FAM117B: variants seen among roughly 807,000 people sequenced by gnomAD.
FAM117B encodes the protein family with sequence similarity 117 member B.
Under a neutral mutation model 52.8 loss-of-function variants are expected in FAM117B, and 22 were observed. That is an observed-to-expected ratio of 0.42 (90% confidence interval 0.30 to 0.59). The LOEUF is 0.59. Among genes scored for constraint, FAM117B ranks in the 20% least tolerant of loss-of-function variants. FAM117B has a pLI of 0.22. For synonymous variants in FAM117B, 309 were observed against 324.1 expected, an observed-to-expected ratio of 0.95 and a Z score of 0.50; for missense variants, 678 against 802.6, an observed-to-expected ratio of 0.84 and a Z score of 1.88.
intron 7 of FAM117B, among the ~76,000 whole-genome samples, chr2:202,762,856 A>G (rs147180666): frequency 2.2e-4 from 34 of 151,972 alleles, no homozygotes; most frequent in African/African-American, 6.5e-4. Context: ...TCTCGATCTG[A>G]TCAGTTAGAC....
chr2:202,702,721 T>C (rs1450248177), intron 2 of FAM117B, among the ~76,000 whole-genome samples: 1 of 152,014 alleles, frequency 6.6e-6, no homozygotes, highest in Non-Finnish European at 1.5e-5. Flanking sequence ...ACCCAGCTAA[T>C]TTTTTGTATT....
At chr2:202,729,380 A>G (rs1471693876) in intron 4 of FAM117B, among the ~76,000 whole-genome samples, 2 of 152,198 alleles carry the variant, frequency 1.3e-5, no homozygotes, top group Non-Finnish European at 2.9e-5. Context: ...TAAACATGAA[A>G]ATAATTTCTA....
chr2:202,710,426 A>T (rs904497495), intron 2 of FAM117B, among the ~76,000 whole-genome samples: 3 of 152,022 alleles, frequency 2.0e-5, no homozygotes, highest in Non-Finnish European at 2.9e-5. Flanking sequence ...TCTTATACAC[A>T]TAGGTGTATA....
chr2:202,691,403 A>G (rs1315826313), intron 1 of FAM117B, among the ~76,000 whole-genome samples: 2 of 152,046 alleles, frequency 1.3e-5, no homozygotes, highest in Non-Finnish European at 2.9e-5. Flanking sequence ...TGGGTGATGG[A>G]GCGAGATTCT....
At chr2:202,732,045 TC>T (rs1461427266) in intron 4 of FAM117B, among the ~76,000 whole-genome samples, 1 of 150,632 alleles carries the variant, frequency 6.6e-6, no homozygotes, top group Non-Finnish European at 1.5e-5. Context: ...TATTTATTTT[TC>T]TTTTTTTTTT....
At chr2:202,709,257 C>A (rs1478007037) in intron 2 of FAM117B, among the ~76,000 whole-genome samples, 1 of 150,050 alleles carries the variant, frequency 6.7e-6, no homozygotes, top group Non-Finnish European at 1.5e-5. Context: ...GGCTGGAGTA[C>A]AATGGAGTGA....
chr2:202,709,454 T>C (rs532141471), intron 2 of FAM117B, among the ~76,000 whole-genome samples: 1 of 152,280 alleles, frequency 6.6e-6, no homozygotes, highest in South Asian at 2.1e-4. Context: ...TGCCCCCCTC[T>C]GCCTCCCAAA....
chr2:202,698,494 C>T (rs1690747632), intron 2 of FAM117B, among the ~76,000 whole-genome samples: 1 of 152,122 alleles, frequency 6.6e-6, no homozygotes. Flanking sequence ...CTGATCTCAG[C>T]TCACTGCAAC....
At chr2:202,662,842 CAAAA>C (rs1164306859) in intron 1 of FAM117B, among the ~76,000 whole-genome samples, 2 of 151,518 alleles carry the variant, frequency 1.3e-5, no homozygotes, top group African/African-American at 4.9e-5. Flanking sequence ...GACTCCATCT[CAAAA>C]GAAGAAGAAG....
chr2:202,656,401 G>A (rs1690057236), intron 1 of FAM117B, among the ~76,000 whole-genome samples: 1 of 152,070 alleles, frequency 6.6e-6, no homozygotes, highest in Admixed American at 6.5e-5. Context: ...AGTTTGATAT[G>A]TATTTTCATT....
intron 2 of FAM117B, among the ~76,000 whole-genome samples, chr2:202,715,894 A>ACACAGCAAAACCCCGTCTC (rs759843998): frequency 2.6e-5 from 4 of 152,242 alleles, no homozygotes; most frequent in Non-Finnish European, 5.9e-5. Flanking sequence ...AGCCCGGCCA[A>ACACAGCAAAACCCCGTCTC]CACAGCAAAA....
At position 202,757,384 on chromosome 2, in the gene FAM117B, A is replaced by C. The variant is rs776682010; in HGVS notation, c.1276A>C (p.Ser426Arg). ...GTTCCTCACCATTTCCAATGAAGGT[A>C]GCGAGGAGAGTCCTTGCTCAGCGGA... Reference protein sequence around the residue: ...TSFLTISNEGSEESPCSADDL... With the variant: ...TSFLTISNEGREESPCSADDL... The change falls in exon 6 of 8, where the codon AGC (serine) becomes CGC (arginine). Residue 426 changes from serine to arginine, a missense_variant. Ser to Arg is a moderately radical substitution (Grantham distance 110). This residue lies in a region of FAM117B where 583 missense variants were observed against 644.8 expected (regional missense o/e 0.90). Coordinates refer to ENST00000392238, the MANE Select transcript of FAM117B (RefSeq NM_173511.4). 1.6e-5 allele frequency: 26 copies of C among 1,614,140 alleles called. No homozygotes were observed. Among genetic ancestry groups the C allele is most frequent in the Non-Finnish European group, 2.2e-5 (26 of 1,180,036 alleles).
At chr2:202,746,012 G>T (rs1691626167) in intron 4 of FAM117B, among the ~76,000 whole-genome samples, 1 of 152,140 alleles carries the variant, frequency 6.6e-6, no homozygotes, top group Non-Finnish European at 1.5e-5. Context: ...GAGACTTCAA[G>T]ACCTCACTTT....
intron 1 of FAM117B, among the ~76,000 whole-genome samples, chr2:202,640,444 A>C (rs1291308389): frequency 1.3e-5 from 2 of 149,976 alleles, no homozygotes; most frequent in African/African-American, 2.5e-5. Flanking sequence ...AGGGCAGCAA[A>C]AAGTGATAAC....
chr2:202,708,985 G>GGC (rs1470036022), intron 2 of FAM117B, among the ~76,000 whole-genome samples: 17 of 152,300 alleles, frequency 1.1e-4, no homozygotes, highest in African/African-American at 3.8e-4. Context: ...ACAGTGTACA[G>GGC]GCGTTCCACT....
chr2:202,751,324 A>G (rs1415788913), intron 4 of FAM117B, among the ~76,000 whole-genome samples: 4 of 152,162 alleles, frequency 2.6e-5, no homozygotes, highest in Non-Finnish European at 5.9e-5. Context: ...TTGATTTATG[A>G]CATTGATTGT....
intron 4 of FAM117B, among the ~76,000 whole-genome samples, chr2:202,735,971 G>T (rs951375348): frequency 6.6e-6 from 1 of 152,054 alleles, no homozygotes; most frequent in African/African-American, 2.4e-5. Context: ...GTGTTTTGTG[G>T]CTGTTACTAT....
At chr2:202,642,861 TA>T (rs1689792021) in intron 1 of FAM117B, among the ~76,000 whole-genome samples, 1 of 152,166 alleles carries the variant, frequency 6.6e-6, no homozygotes, top group African/African-American at 2.4e-5. Flanking sequence ...CAAGCATTTT[TA>T]AGGGTAGAAA....
At chr2:202,654,054 A>AGAGT (rs1332879788) in intron 1 of FAM117B, among the ~76,000 whole-genome samples, 49 of 138,706 alleles carry the variant, frequency 3.5e-4, no homozygotes, top group African/African-American at 1.4e-3. Flanking sequence ...GTGCGGGAAG[A>AGAGT]GAGTGAGTGA....
Sources: allele counts gnomAD v4.1 joint callset (sites outside exome capture counted in the v4.1 genomes callset), GRCh38; gene constraint gnomAD v4.1.1; regional missense constraint gnomAD v4.1.1; transcripts MANE v1.5; gene names NCBI Gene and HGNC (gene_info 2026-07-23, HGNC 2026-07-21).